The following CATSPERQ variants were observed in gnomAD, a reference collection of about 807,000 sequenced individuals.
CATSPERQ encodes catsper channel auxiliary subunit theta, also known as cation channel sperm-associated auxiliary subunit theta.
the CATSPERQ span, chr8:144,354,172 C>G: frequency 1.3e-6 from 2 of 1,539,254 alleles, no homozygotes; most frequent in African/African-American, 2.7e-5. This position sits in a 1 kb window ranked among gnomAD's most constrained non-coding sequence, Gnocchi z 4.6. Flanking sequence ...CGCGGAGAGT[C>G]TGAGCGGCGC....
the CATSPERQ span, chr8:144,353,412 G>C: frequency 4.6e-6 from 7 of 1,535,764 alleles, no homozygotes; most frequent in African/African-American, 6.8e-5. Flanking sequence ...GCCCATCACA[G>C]TGCCAGCGCC....
chr8:144,354,555 T>TACAAC, the CATSPERQ span: 8 of 681,604 alleles, frequency 1.2e-5, no homozygotes, highest in Non-Finnish European at 1.8e-5. This position sits in a 1 kb window ranked among gnomAD's most constrained non-coding sequence, Gnocchi z 4.6. Context: ...CCCGTCTCCC[T>TACAAC]CCTCCCCCGC....
chr8:144,354,606 C>T, the CATSPERQ span: 1 of 1,517,152 alleles, frequency 6.6e-7, no homozygotes, highest in Admixed American at 2.0e-5. The surrounding 1 kb of genome is among the most constrained non-coding windows in gnomAD (Gnocchi z 4.6). Context: ...CCCGCCCAGC[C>T]TCGCGCGCAC....
the CATSPERQ span, chr8:144,353,737 C>T: frequency 1.3e-6 from 2 of 1,533,200 alleles, no homozygotes. Context: ...TGATCGGTGT[C>T]ATCGTGTCCT....
chr8:144,353,894 C>G, the CATSPERQ span: 1 of 1,529,894 alleles, frequency 6.5e-7, no homozygotes, highest in Non-Finnish European at 8.8e-7. Context: ...GCCAGCCTGG[C>G]CGCCCCTCCG....
chr8:144,353,325 C>T, the CATSPERQ span: 3 of 1,517,656 alleles, frequency 2.0e-6, no homozygotes, highest in Non-Finnish European at 1.8e-6. Context: ...AACACAGTCC[C>T]GAGGTGGGGG....
At chr8:144,354,128 C>T in the CATSPERQ span, 20 of 1,534,712 alleles carry the variant, frequency 1.3e-5, no homozygotes, top group East Asian at 3.9e-4. The surrounding 1 kb of genome is among the most constrained non-coding windows in gnomAD (Gnocchi z 4.6). Context: ...ACGAGGAAGA[C>T]CCAGGTCTCT....
At chr8:144,354,381 G>T in the CATSPERQ span, 27 of 1,508,030 alleles carry the variant, frequency 1.8e-5, no homozygotes, top group Admixed American at 2.2e-4. The surrounding 1 kb of genome is among the most constrained non-coding windows in gnomAD (Gnocchi z 4.6). Context: ...CCGCAGCCGG[G>T]GGTGGCGGTG....
At chr8:144,354,594 G>A in the CATSPERQ span, 2 of 561,876 alleles carry the variant, frequency 3.6e-6, no homozygotes, top group Non-Finnish European at 2.3e-6. This position sits in a 1 kb window ranked among gnomAD's most constrained non-coding sequence, Gnocchi z 4.6. Context: ...GCCCCGCCCC[G>A]CCCCGCCCAG....
the CATSPERQ span, chr8:144,353,420 G>T: frequency 6.5e-7 from 1 of 1,535,930 alleles, no homozygotes; most frequent in Non-Finnish European, 8.7e-7. Context: ...CAGTGCCAGC[G>T]CCAGGGGGTG....
chr8:144,354,667 C>CAG, the CATSPERQ span: 2 of 1,535,292 alleles, frequency 1.3e-6, no homozygotes, highest in Non-Finnish European at 1.7e-6. The surrounding 1 kb of genome is among the most constrained non-coding windows in gnomAD (Gnocchi z 4.6). Flanking sequence ...CTTGAGGCGT[C>CAG]TGGCCAGGTG....
At chr8:144,353,805 C>T in the CATSPERQ span, 1 of 1,535,614 alleles carries the variant, frequency 6.5e-7, no homozygotes, top group Non-Finnish European at 8.7e-7. Flanking sequence ...GCTGCACCAG[C>T]ACCAGGGGCT....
chr8:144,354,578 A>AACCCCCCCCCCCCCCCC, the CATSPERQ span: 1 of 221,158 alleles, frequency 4.5e-6, no homozygotes, highest in Non-Finnish European at 7.0e-6. This position sits in a 1 kb window ranked among gnomAD's most constrained non-coding sequence, Gnocchi z 4.6. Context: ...CGCCCTTCCC[A>AACCCCCCCCCCCCCCCC]GCCCCGCCCC....
the CATSPERQ span, chr8:144,354,578 A>ATCCCCCCCCCCCCCCCCCCCCC: frequency 4.5e-6 from 1 of 221,156 alleles, no homozygotes; most frequent in Non-Finnish European, 7.0e-6. This position sits in a 1 kb window ranked among gnomAD's most constrained non-coding sequence, Gnocchi z 4.6. Context: ...CGCCCTTCCC[A>ATCCCCCCCCCCCCCCCCCCCCC]GCCCCGCCCC....
At chr8:144,354,266 C>A in the CATSPERQ span, 1 of 1,536,324 alleles carries the variant, frequency 6.5e-7, no homozygotes, top group Non-Finnish European at 8.7e-7. This position sits in a 1 kb window ranked among gnomAD's most constrained non-coding sequence, Gnocchi z 4.6. Flanking sequence ...CTGACCAGGA[C>A]CACGCTGATG....
the CATSPERQ span, chr8:144,353,534 G>A: frequency 2.6e-6 from 4 of 1,530,852 alleles, no homozygotes; most frequent in South Asian, 1.2e-5. Flanking sequence ...TTTGCTGTGG[G>A]AGCAGGTGGC....
chr8:144,354,527 C>A, the CATSPERQ span: 8 of 1,449,666 alleles, frequency 5.5e-6, no homozygotes, highest in African/African-American at 1.0e-4. The surrounding 1 kb of genome is among the most constrained non-coding windows in gnomAD (Gnocchi z 4.6). Flanking sequence ...CCTGGCTCCG[C>A]CCCATTCAGG....
the CATSPERQ span, chr8:144,353,493 T>G: frequency 2.0e-6 from 3 of 1,535,596 alleles, no homozygotes; most frequent in Non-Finnish European, 2.6e-6. Flanking sequence ...GATGTTGAGT[T>G]TCCGGGCGAT....
the CATSPERQ span, chr8:144,354,639 T>C: frequency 6.7e-7 from 1 of 1,483,456 alleles, no homozygotes; most frequent in Non-Finnish European, 9.0e-7. This position sits in a 1 kb window ranked among gnomAD's most constrained non-coding sequence, Gnocchi z 4.6. Context: ...GCTGCACGAA[T>C]GGGTAGAAGC....
Sources: allele counts gnomAD v4.1 joint callset, GRCh38; gene constraint gnomAD v4.1.1; non-coding constraint Gnocchi (gnomAD v3.1); transcripts MANE v1.5; gene names NCBI Gene and HGNC (gene_info 2026-07-23, HGNC 2026-07-21).